The following PLCB4 variants were observed in gnomAD, a reference collection of about 807,000 sequenced individuals.
PLCB4 encodes phospholipase C beta 4, also known as 1-phosphatidylinositol 4,5-bisphosphate phosphodiesterase beta-4.
PLCB4 carries 77 observed loss-of-function variants against 178.8 expected under a neutral mutation model. The ratio of observed to expected loss-of-function variants is 0.43; its 90% CI spans 0.36 to 0.52. PLCB4 has a LOEUF of 0.52. PLCB4 is among the 20% of genes least tolerant of loss of function. The pLI is 0.00. For missense variants in PLCB4, 1,024 were observed against 1,453.4 expected (o/e 0.70, Z 4.80); for synonymous variants, 496 against 490.8 (o/e 1.01, Z -0.14).
At chr20:9,346,735 A>C (rs1462082623) in intron 7 of PLCB4, among the ~76,000 whole-genome samples, 3 of 152,182 alleles carry the variant, frequency 2.0e-5, no homozygotes, top group Non-Finnish European at 2.9e-5. Flanking sequence ...AATTGAGTGC[A>C]TATTCTTAAG....
chr20:9,387,013 T>G (rs1602290797), intron 14 of PLCB4, among the ~76,000 whole-genome samples: 1 of 151,316 alleles, frequency 6.6e-6, no homozygotes, highest in African/African-American at 2.4e-5. Flanking sequence ...TGCCTTAGCC[T>G]CCCAGGTAGC....
intron 2 of PLCB4, among the ~76,000 whole-genome samples, chr20:9,208,120 A>AT (rs909620599): frequency 3.9e-5 from 6 of 152,140 alleles, no homozygotes; most frequent in Admixed American, 1.3e-4. Context: ...AATAGCCCCT[A>AT]TTTTATACTG....
At chr20:9,442,888 G>T (rs984218065) in intron 30 of PLCB4, among the ~76,000 whole-genome samples, 5 of 152,108 alleles carry the variant, frequency 3.3e-5, no homozygotes, top group African/African-American at 1.2e-4. Flanking sequence ...ATCTTAAAAT[G>T]AATAAAAGGG....
chr20:9,273,560 A>G (rs2094424720), intron 3 of PLCB4, among the ~76,000 whole-genome samples: 1 of 152,040 alleles, frequency 6.6e-6, no homozygotes, highest in African/African-American at 2.4e-5. Context: ...AGTCAGTGAC[A>G]TCTGTGCTAA....
intron 4 of PLCB4, among the ~76,000 whole-genome samples, chr20:9,335,157 A>T (rs1001724226): frequency 1.3e-5 from 2 of 152,058 alleles, no homozygotes; most frequent in African/African-American, 4.8e-5. Context: ...CAGGATATTC[A>T]TTGGGATATA....
At chr20:9,318,181 A>G (rs1284937387) in intron 4 of PLCB4, among the ~76,000 whole-genome samples, 1 of 152,058 alleles carries the variant, frequency 6.6e-6, no homozygotes. Flanking sequence ...AAAATAAAAG[A>G]GTTTAATAGA....
chr20:9,343,358 C>G (rs994081232), intron 7 of PLCB4, among the ~76,000 whole-genome samples: 1 of 152,172 alleles, frequency 6.6e-6, no homozygotes, highest in Non-Finnish European at 1.5e-5. Flanking sequence ...TCCTGACTTT[C>G]AGCAAGCCAT....
chr20:9,072,700 C>A (rs1247410471), intron 1 of PLCB4, among the ~76,000 whole-genome samples: 1 of 152,084 alleles, frequency 6.6e-6, no homozygotes, highest in Non-Finnish European at 1.5e-5. Context: ...GGTGGAAGCT[C>A]ACGACTTTGG....
chr20:9,203,139 G>C (rs2093571186), intron 2 of PLCB4, among the ~76,000 whole-genome samples: 1 of 150,458 alleles, frequency 6.6e-6, no homozygotes, highest in Non-Finnish European at 1.5e-5. Flanking sequence ...TTAGGCATTT[G>C]GGGGTTCTTG....
chr20:9,428,720 G>A (rs2041197372), intron 28 of PLCB4, among the ~76,000 whole-genome samples: 2 of 151,966 alleles, frequency 1.3e-5, no homozygotes, highest in African/African-American at 4.8e-5. Context: ...AGGAATAGTA[G>A]AGGGGAACGG....
intron 30 of PLCB4, among the ~76,000 whole-genome samples, chr20:9,438,186 G>T (rs2148652435): frequency 6.6e-6 from 1 of 152,116 alleles, no homozygotes; most frequent in East Asian, 1.9e-4. Flanking sequence ...CTAACATGTT[G>T]AAACCCCGTC....
At chr20:9,184,599 CAAAAAAA>C (rs56964078) in intron 2 of PLCB4, among the ~76,000 whole-genome samples, 1 of 118,454 alleles carries the variant, frequency 8.4e-6, no homozygotes, top group African/African-American at 2.8e-5. Context: ...CATTGTGCCT[CAAAAAAA>C]AAAAAAAAAA....
At chr20:9,137,057 A>G (rs2092398631) in intron 2 of PLCB4, among the ~76,000 whole-genome samples, 1 of 152,022 alleles carries the variant, frequency 6.6e-6, no homozygotes, top group Non-Finnish European at 1.5e-5. Flanking sequence ...CCCCTCCTAG[A>G]AGCCACAGTC....
chr20:9,401,384 A>C (rs1286752818), intron 19 of PLCB4, 106 bp from the exon 20 acceptor site: 3 of 721,446 alleles, frequency 4.2e-6, no homozygotes, highest in Non-Finnish European at 7.4e-6. Flanking sequence ...TTCTTTTAGC[A>C]TCCTTTTTCT....
At chr20:9,366,756 T>C (rs753839573) in intron 9 of PLCB4, among the ~76,000 whole-genome samples, 1 of 152,234 alleles carries the variant, frequency 6.6e-6, no homozygotes, top group Non-Finnish European at 1.5e-5. Flanking sequence ...TTCGTGAACC[T>C]AAGCCCACAA....
chr20:9,472,829 T>C lies in PLCB4; in HGVS notation c.3390T>C (p.Phe1130=). The C allele has an allele frequency of 6.3e-7, 1 of 1,597,246 alleles. No individual in the cohort carries two copies. The highest frequency in any genetic ancestry group is 8.6e-7 in the Non-Finnish European group (1 of 1,168,340). ...RELNSSNTKK[F]LEERKRLAMK... is the part of the protein sequence containing the mutation. ...TAAACAGCAGCAACACTAAAAAGTT[T>C]CTGGAAGAAAGAAAGAGAGTAAGTA... Residue 1130 remains phenylalanine (F), a synonymous_variant, in exon 37 of 40, where the codon TTT becomes TTC. Transcript: ENST00000378473.
chr20:9,406,652 GC>G (rs376387637), intron 21 of PLCB4, among the ~76,000 whole-genome samples: 7 of 152,020 alleles, frequency 4.6e-5, no homozygotes, highest in African/African-American at 1.4e-4. Context: ...CTGCCACCAT[GC>G]CCAGTTAATT....
chr20:9,243,383 ACTTC>A (rs1329686286), intron 3 of PLCB4, among the ~76,000 whole-genome samples: 1 of 152,174 alleles, frequency 6.6e-6, no homozygotes, highest in Non-Finnish European at 1.5e-5. Flanking sequence ...AAAAGGCAAG[ACTTC>A]CTGCCAATAA....
chr20:9,114,330 C>T (rs1012750594), intron 2 of PLCB4, among the ~76,000 whole-genome samples: 12 of 151,944 alleles, frequency 7.9e-5, no homozygotes, highest in East Asian at 1.9e-4. Context: ...ATGCTAGGAA[C>T]GGAGAAGACA....
Sources: gnomAD v4.1 joint callset for allele counts (sites outside exome capture counted in the v4.1 genomes callset) on GRCh38, gnomAD v4.1.1 for gene constraint, MANE v1.5 for transcripts, NCBI Gene and HGNC (gene_info 2026-07-23, HGNC 2026-07-21) for gene names.